CBLB: variants seen among roughly 807,000 people sequenced by gnomAD.
CBLB encodes Cbl proto-oncogene B.
CBLB carries 31 observed loss-of-function variants against 104.9 expected under a neutral mutation model. The observed-to-expected ratio is 0.30, with a 90% CI of 0.22 to 0.40. The LOEUF (loss-of-function observed/expected upper bound fraction) is 0.40, where lower values mean the gene tolerates loss of function less well. Among genes scored for constraint, CBLB ranks in the 10% least tolerant of loss-of-function variants. CBLB has a pLI of 1.00. For synonymous variants in CBLB, 440 were observed against 422.6 expected (o/e 1.04, Z -0.51); for missense variants, 1,062 against 1,214.6 (o/e 0.87, Z 1.87).
In CBLB at chr3:105,794,761, T is replaced by C. The variant is rs554901719; in HGVS notation, c.420-18219A>G. 9.5e-4 allele frequency among the ~76,000 whole-genome samples: 144 copies of C among 152,216 alleles called. 1 individual carries two copies. Among genetic ancestry groups the C allele is most frequent in the African/African-American group, 3.4e-3 (143 of 41,534 alleles). On this transcript the variant is annotated intron_variant, in intron 3 of 18. Coordinates refer to ENST00000394030, the MANE Select transcript of CBLB (RefSeq NM_170662.5). ...ATGTTAATAACAGATACCACATAAA[T>C]ACATAAAACTACATTTAAAAATATA...
rs372010123 is a variant in CBLB at position 105,691,549 on chromosome 3, C to T, written c.2054+1945G>A. Among the ~76,000 whole-genome samples, 54 of 152,322 alleles carry T rather than the reference C, an allele frequency of 3.5e-4. 1 individual carries two copies. The South Asian group carries it at 0.011, about 30-fold the overall frequency. ...ATGAATTTAATAAACAGAATGTGAA[C>T]ATTTAATCTCTAATTAGCAAGATTT... is the stretch of plus-strand genomic sequence containing the variant. On this transcript the variant is annotated intron_variant, in intron 13 of 18. Coordinates refer to ENST00000394030, the MANE Select transcript of CBLB (RefSeq NM_170662.5).
At chr3:105,794,671 T>C (rs1316438317) in intron 3 of CBLB, among the ~76,000 whole-genome samples, 2 of 152,152 alleles carry the variant, frequency 1.3e-5, no homozygotes, top group African/African-American at 4.8e-5. Flanking sequence ...CCAATACAAG[T>C]AGGCAAGACG....
chr3:105,746,786 C>CAT (rs1386227665), intron 5 of CBLB, among the ~76,000 whole-genome samples: 2 of 152,176 alleles, frequency 1.3e-5, no homozygotes, highest in Non-Finnish European at 2.9e-5. Flanking sequence ...ACACATTAAC[C>CAT]ATAAGCTACA....
intron 10 of CBLB, among the ~76,000 whole-genome samples, chr3:105,704,555 G>C (rs186722739): frequency 6.6e-6 from 1 of 151,776 alleles, no homozygotes; most frequent in African/African-American, 2.4e-5. Context: ...TTTTTTGCTC[G>C]AGCTTTGTAC....
chr3:105,824,947 T>A (rs1233064245), intron 3 of CBLB, among the ~76,000 whole-genome samples: 1 of 152,164 alleles, frequency 6.6e-6, no homozygotes, highest in African/African-American at 2.4e-5. Flanking sequence ...TAGAGTGTAA[T>A]CAGAAGAGTA....
In CBLB at chr3:105,657,960, A is replaced by G; in HGVS notation, c.*1010T>C. ...AGTGTAATCACTTAAATGGGAAATGAACTCTAATTCCACTTGAGAAAAGGT... is the reference window on the plus strand; with the variant it reads ...AGTGTAATCACTTAAATGGGAAATGGACTCTAATTCCACTTGAGAAAAGGT... On this transcript the variant is annotated 3_prime_UTR_variant, in exon 19 of 19. Coordinates refer to ENST00000394030, the MANE Select transcript of CBLB (RefSeq NM_170662.5). The G allele has an allele frequency of 4.7e-6, 1 of 212,198 alleles. No individual in the cohort carries two copies. The highest frequency in any genetic ancestry group is 2.3e-5 in the African/African-American group (1 of 44,340). 13.1% of individuals were successfully genotyped at this position (212,198 alleles called of 1,614,324 possible). A position where few individuals can be genotyped will look rare whatever the true frequency, so the allele number is the denominator to read the frequency against.
chr3:105,713,388 C>T (rs1406008430), intron 10 of CBLB, among the ~76,000 whole-genome samples: 3 of 90,396 alleles, frequency 3.3e-5, no homozygotes, highest in Non-Finnish European at 7.7e-5. Context: ...CACCACTGAT[C>T]ATTAAAAAAA....
intron 3 of CBLB, among the ~76,000 whole-genome samples, chr3:105,810,993 ACT>A (rs1196789990): frequency 8.5e-5 from 13 of 152,278 alleles, no homozygotes; most frequent in African/African-American, 2.6e-4. Flanking sequence ...TTTTATTACT[ACT>A]TTTTATTATC....
chr3:105,838,297 G>A (rs2088934750), intron 3 of CBLB, among the ~76,000 whole-genome samples: 1 of 102,660 alleles, frequency 9.7e-6, no homozygotes. Context: ...GGGTCTCTCT[G>A]TTACCCAGGC....
intron 3 of CBLB, among the ~76,000 whole-genome samples, chr3:105,801,005 T>A (rs1577316135): frequency 6.7e-6 from 1 of 148,406 alleles, no homozygotes; most frequent in African/African-American, 2.5e-5. Context: ...CAGCATGCTT[T>A]AAAAAAAAAA....
chr3:105,869,284 G>C (rs1706760812), upstream of CBLB: 7 of 978,136 alleles, frequency 7.2e-6, no homozygotes, highest in Admixed American at 6.9e-5. Context: ...GGGAACGAAA[G>C]TGGAAACGGG....
chr3:105,756,429 G>A (rs889031968), intron 4 of CBLB, among the ~76,000 whole-genome samples: 10 of 151,898 alleles, frequency 6.6e-5, no homozygotes, highest in Non-Finnish European at 1.5e-4. Flanking sequence ...AGATGAGCAA[G>A]GCAAAAATAT....
chr3:105,805,000 C>T (rs1561920), intron 3 of CBLB, among the ~76,000 whole-genome samples: 149,132 of 152,240 alleles, frequency 0.98, 73,123 homozygotes, highest in East Asian at 1. Flanking sequence ...CCCACCACCA[C>T]AGTAGTTGCT....
intron 17 of CBLB, among the ~76,000 whole-genome samples, chr3:105,676,817 C>T (rs2065702461): frequency 6.6e-6 from 1 of 152,080 alleles, no homozygotes; most frequent in Non-Finnish European, 1.5e-5. Context: ...GGGGTGGTTC[C>T]CCCATGCTGT....
chr3:105,818,995 A>G (rs537127987), intron 3 of CBLB, among the ~76,000 whole-genome samples: 1 of 152,334 alleles, frequency 6.6e-6, no homozygotes, highest in African/African-American at 2.4e-5. Flanking sequence ...TGCATCTGTG[A>G]ATCTGCAAAT....
chr3:105,743,070 G>A (rs79879407), intron 6 of CBLB, among the ~76,000 whole-genome samples: 11,078 of 152,086 alleles, frequency 0.073, 562 homozygotes, highest in East Asian at 0.28. Flanking sequence ...TTAATTTGCT[G>A]CTGACCCTTT....
At chr3:105,808,053 A>C (rs1462899756) in intron 3 of CBLB, among the ~76,000 whole-genome samples, 1 of 152,178 alleles carries the variant, frequency 6.6e-6, no homozygotes, top group East Asian at 1.9e-4. Flanking sequence ...TTTTCCTAAA[A>C]AATATTCTTC....
intron 4 of CBLB, among the ~76,000 whole-genome samples, chr3:105,762,912 A>C (rs2077802407): frequency 1.3e-5 from 2 of 152,320 alleles, no homozygotes; most frequent in Admixed American, 1.3e-4. Context: ...CAGCCCATGA[A>C]AGCAACCAAG....
intron 3 of CBLB, among the ~76,000 whole-genome samples, chr3:105,834,877 C>A (rs1250701106): frequency 6.6e-6 from 1 of 152,176 alleles, no homozygotes; most frequent in African/African-American, 2.4e-5. Context: ...AGAAATGCTG[C>A]AGTCTCAAAG....
Sources: gnomAD v4.1 joint callset for allele counts (sites outside exome capture counted in the v4.1 genomes callset) on GRCh38, gnomAD v4.1.1 for gene constraint, MANE v1.5 for transcripts, NCBI Gene and HGNC (gene_info 2026-07-23, HGNC 2026-07-21) for gene names.